Variants in GALNTL6 observed in about 807,000 individuals in gnomAD.
GALNTL6 encodes polypeptide N-acetylgalactosaminyltransferase like 6.
GALNTL6 carries 46 observed loss-of-function variants against 73.7 expected under a neutral mutation model. The ratio of observed to expected loss-of-function variants is 0.62; its 90% CI spans 0.49 to 0.80. The LOEUF is 0.80. Ranked by LOEUF, GALNTL6 falls within the 30% of genes least tolerant of loss-of-function variation. The pLI, the probability that GALNTL6 is intolerant of heterozygous loss-of-function variation, is 0.00. For synonymous variants in GALNTL6, 259 were observed against 263.7 expected (o/e 0.98, Z 0.17); for missense variants, 604 against 755.0 (o/e 0.80, Z 2.34).
chr4:172,875,754 C>CACAT (rs1745163315), intron 7 of GALNTL6, among the ~76,000 whole-genome samples: 1 of 151,826 alleles, frequency 6.6e-6, no homozygotes, highest in South Asian at 2.1e-4. Flanking sequence ...CACACACACA[C>CACAT]ACACACACAC....
intron 2 of GALNTL6, among the ~76,000 whole-genome samples, chr4:171,967,455 T>TTTTTTTTTTTTTTTTTTTTTTTTTTTG (rs1739423249): frequency 6.8e-6 from 1 of 146,722 alleles, no homozygotes; most frequent in Non-Finnish European, 1.5e-5. Flanking sequence ...GGGTTTTTTT[T>TTTTTTTTTTTTTTTTTTTTTTTTTTTG]TTTTTTTTTT....
At chr4:172,159,599 A>T (rs554399158) in intron 2 of GALNTL6, among the ~76,000 whole-genome samples, 146 of 152,210 alleles carry the variant, frequency 9.6e-4, no homozygotes, top group African/African-American at 3.3e-3. Context: ...TGGGTTGAAA[A>T]CTTTCCCATA....
intron 10 of GALNTL6, among the ~76,000 whole-genome samples, chr4:172,983,779 G>A (rs1751175552): frequency 6.6e-6 from 1 of 152,132 alleles, no homozygotes; most frequent in Non-Finnish European, 1.5e-5. Flanking sequence ...TGGAAAGCAA[G>A]TAGCATAGGG....
chr4:173,016,817 G>T (rs1360431204), intron 11 of GALNTL6, among the ~76,000 whole-genome samples: 1 of 152,140 alleles, frequency 6.6e-6, no homozygotes, highest in Non-Finnish European at 1.5e-5. Flanking sequence ...GATTTGGAAG[G>T]GGCCAGGGGC....
At chr4:172,140,725 A>G (rs1440525770) in intron 2 of GALNTL6, among the ~76,000 whole-genome samples, 1 of 152,036 alleles carries the variant, frequency 6.6e-6, no homozygotes, top group East Asian at 1.9e-4. Flanking sequence ...GTATGTATTC[A>G]CTAGATTGAA....
chr4:172,395,104 C>T (rs1252554997), intron 5 of GALNTL6, among the ~76,000 whole-genome samples: 3 of 152,126 alleles, frequency 2.0e-5, no homozygotes, highest in African/African-American at 4.8e-5. Flanking sequence ...GACAGGCTTT[C>T]GCTAGCTTTA....
chr4:172,369,448 G>A (rs986051057), intron 5 of GALNTL6, among the ~76,000 whole-genome samples: 2 of 152,206 alleles, frequency 1.3e-5, no homozygotes, highest in African/African-American at 4.8e-5. Context: ...GGCTGCGGGT[G>A]GAGCTGCCCA....
intron 5 of GALNTL6, among the ~76,000 whole-genome samples, chr4:172,527,810 G>A (rs2110836071): frequency 6.6e-6 from 1 of 152,156 alleles, no homozygotes; most frequent in South Asian, 2.1e-4. Context: ...TTTCCATGAG[G>A]TTGAAACATT....
intron 7 of GALNTL6, among the ~76,000 whole-genome samples, chr4:172,821,653 T>A (rs112218772): frequency 4.6e-5 from 7 of 152,194 alleles, no homozygotes; most frequent in Admixed American, 3.3e-4. Flanking sequence ...ATTTAACAAC[T>A]GCAAAAGGAC....
intron 2 of GALNTL6, among the ~76,000 whole-genome samples, chr4:171,817,601 C>A (rs1734555272): frequency 6.6e-6 from 1 of 151,544 alleles, no homozygotes; most frequent in African/African-American, 2.4e-5. Context: ...TCTGATTACA[C>A]ATTAATTGTT....
intron 5 of GALNTL6, among the ~76,000 whole-genome samples, chr4:172,731,092 A>AAAAT (rs1156547545): frequency 1.3e-5 from 2 of 152,086 alleles, no homozygotes; most frequent in East Asian, 3.8e-4. Flanking sequence ...AAAAAAAAAA[A>AAAAT]AAAAGAGTTT....
At chr4:172,093,944 A>G (rs1732279387) in intron 2 of GALNTL6, among the ~76,000 whole-genome samples, 1 of 152,204 alleles carries the variant, frequency 6.6e-6, no homozygotes, top group Non-Finnish European at 1.5e-5. Context: ...CAATGTCATA[A>G]TAGAAATAAA....
intron 5 of GALNTL6, among the ~76,000 whole-genome samples, chr4:172,427,968 A>G (rs1334466045): frequency 6.6e-6 from 1 of 152,158 alleles, no homozygotes; most frequent in African/African-American, 2.4e-5. Context: ...CCTCATCAAG[A>G]TAATGGAGGG....
intron 2 of GALNTL6, among the ~76,000 whole-genome samples, chr4:172,147,411 C>T (rs1733954759): frequency 6.6e-6 from 1 of 152,174 alleles, no homozygotes; most frequent in African/African-American, 2.4e-5. Context: ...TTGTTAAAGG[C>T]AATTTGTTCA....
At chr4:172,139,298 A>G (rs941858949) in intron 2 of GALNTL6, among the ~76,000 whole-genome samples, 9 of 152,230 alleles carry the variant, frequency 5.9e-5, no homozygotes, top group African/African-American at 2.2e-4. Context: ...GAGGAAAAGT[A>G]CATTGAATAT....
chr4:172,803,326 T>C (rs182856858), intron 5 of GALNTL6, among the ~76,000 whole-genome samples: 1 of 152,266 alleles, frequency 6.6e-6, no homozygotes, highest in African/African-American at 2.4e-5. Context: ...TGCCATTAGA[T>C]TCTGATAGGA....
chr4:172,191,768 T>C (rs567860504), intron 2 of GALNTL6, among the ~76,000 whole-genome samples: 2 of 152,290 alleles, frequency 1.3e-5, no homozygotes, highest in East Asian at 3.9e-4. Context: ...CCCCCAGAAA[T>C]TAGGTTTTCC....
intron 5 of GALNTL6, among the ~76,000 whole-genome samples, chr4:172,452,028 A>T (rs886374773): frequency 6.6e-6 from 1 of 152,152 alleles, no homozygotes; most frequent in Admixed American, 6.6e-5. Flanking sequence ...AATAAATAAA[A>T]TTTTAAAAGT....
chr4:172,474,232 C>T (rs765755332), intron 5 of GALNTL6, among the ~76,000 whole-genome samples: 1 of 152,088 alleles, frequency 6.6e-6, no homozygotes, highest in Non-Finnish European at 1.5e-5. Context: ...CAGACCTCAC[C>T]GACTCTGTGA....
Sources: allele counts gnomAD v4.1 joint callset (sites outside exome capture counted in the v4.1 genomes callset), GRCh38; gene constraint gnomAD v4.1.1; transcripts MANE v1.5; gene names NCBI Gene and HGNC (gene_info 2026-07-23, HGNC 2026-07-21).